The following MTHFD1L variants were observed in gnomAD, a reference collection of about 807,000 sequenced individuals.
The protein encoded by MTHFD1L is methylenetetrahydrofolate dehydrogenase (NADP+ dependent) 1 like.
MTHFD1L carries 81 observed loss-of-function variants against 119.5 expected under a neutral mutation model. The ratio of observed to expected loss-of-function variants is 0.68; its 90% CI spans 0.57 to 0.82. The LOEUF is 0.82. Ranked by LOEUF, MTHFD1L falls within the 40% of genes least tolerant of loss-of-function variation. MTHFD1L has a pLI of 0.00. For synonymous variants in MTHFD1L, 430 were observed against 475.2 expected (o/e 0.90, Z 1.24); for missense variants, 1,125 against 1,253.4 (o/e 0.90, Z 1.55).
At chr6:151,048,350 C>G (rs1173607972) in intron 26 of MTHFD1L, among the ~76,000 whole-genome samples, 6 of 152,156 alleles carry the variant, frequency 3.9e-5, no homozygotes, top group Admixed American at 2.6e-4. Context: ...ACCAAGTCGC[C>G]TCACCCACCA....
At chr6:151,026,531 G>A (rs758660728) in intron 24 of MTHFD1L, among the ~76,000 whole-genome samples, 3 of 152,110 alleles carry the variant, frequency 2.0e-5, no homozygotes, top group East Asian at 3.9e-4. Flanking sequence ...GAGTATTTCC[G>A]TTTCTGAAAT....
intron 25 of MTHFD1L, among the ~76,000 whole-genome samples, chr6:151,036,626 C>G (rs1019228993): frequency 6.6e-6 from 1 of 152,154 alleles, no homozygotes; most frequent in African/African-American, 2.4e-5. Context: ...TGCTGGGTCC[C>G]GGATATTAAT....
At chr6:151,045,960 C>A (rs1171506205) in intron 26 of MTHFD1L, among the ~76,000 whole-genome samples, 1 of 152,148 alleles carries the variant, frequency 6.6e-6, no homozygotes, top group Non-Finnish European at 1.5e-5. Context: ...GGAAAGTAAC[C>A]AGCGTCGTTC....
chr6:151,043,897 G>A (rs1787535406), intron 26 of MTHFD1L, among the ~76,000 whole-genome samples: 1 of 152,140 alleles, frequency 6.6e-6, no homozygotes, highest in Non-Finnish European at 1.5e-5. Context: ...TTTAAGAAAA[G>A]GGTCAAGCTT....
At chr6:150,989,087 G>T (rs1243517874) in intron 20 of MTHFD1L, among the ~76,000 whole-genome samples, 1 of 152,210 alleles carries the variant, frequency 6.6e-6, no homozygotes, top group Non-Finnish European at 1.5e-5. Flanking sequence ...CCATAGCTGT[G>T]AATGTTGTCT....
chr6:151,058,919 A>G (rs963469610), intron 26 of MTHFD1L, among the ~76,000 whole-genome samples: 1 of 151,718 alleles, frequency 6.6e-6, no homozygotes, highest in Non-Finnish European at 1.5e-5. Context: ...TCAGGTGATC[A>G]CCCCGTGTCA....
At chr6:151,059,986 C>G (rs944820153) in intron 26 of MTHFD1L, among the ~76,000 whole-genome samples, 2 of 152,164 alleles carry the variant, frequency 1.3e-5, no homozygotes, top group Non-Finnish European at 2.9e-5. Flanking sequence ...AAGGGAAGGG[C>G]AGTGCAGGCC....
chr6:151,092,802 G>A (rs1353025628), intron 27 of MTHFD1L, among the ~76,000 whole-genome samples: 1 of 152,100 alleles, frequency 6.6e-6, no homozygotes, highest in Non-Finnish European at 1.5e-5. Context: ...ACAACCCTTA[G>A]TGTCCTGCGC....
chr6:150,911,712 G>T (rs557208413), intron 8 of MTHFD1L, among the ~76,000 whole-genome samples: 1 of 152,208 alleles, frequency 6.6e-6, no homozygotes, highest in African/African-American at 2.4e-5. Flanking sequence ...GGAAGAAAAA[G>T]AGGTTTAATT....
chr6:151,052,287 T>G (rs1029773481), intron 26 of MTHFD1L, among the ~76,000 whole-genome samples: 1 of 152,154 alleles, frequency 6.6e-6, no homozygotes, highest in Non-Finnish European at 1.5e-5. Flanking sequence ...TTGGGAGTGA[T>G]ATACAGTCTC....
intron 20 of MTHFD1L, among the ~76,000 whole-genome samples, chr6:150,998,766 C>G (rs905386707): frequency 7.0e-6 from 1 of 143,686 alleles, no homozygotes; most frequent in African/African-American, 2.6e-5. Context: ...CACTTGAGCT[C>G]AGGAGTTCGA....
intron 10 of MTHFD1L, among the ~76,000 whole-genome samples, 185 bp from the exon 11 acceptor site, chr6:150,925,937 A>G (rs2128908523): frequency 6.6e-6 from 1 of 152,278 alleles, no homozygotes; most frequent in East Asian, 1.9e-4. Context: ...GCATTTCTAA[A>G]ATGATACACC....
Position 151,043,028 on chromosome 6 carries a change from G to A in MTHFD1L, c.2847+5911G>A, listed in dbSNP as rs147422770. On this transcript the variant is annotated intron_variant, in intron 26 of 27. Coordinates refer to ENST00000367321, the MANE Select transcript of MTHFD1L (RefSeq NM_015440.5). ...GTCCTGGCTGTGTTGCTGTGTTTTC[G>A]CACCTCAAAAGTTGGGACAGCAAAG... Among the ~76,000 whole-genome samples, 1,291 of 152,220 alleles carry A rather than the reference G, an allele frequency of 8.5e-3. 13 individuals are homozygous for A. Among genetic ancestry groups the A allele is most frequent in the African/African-American group, 0.029 (1,190 of 41,536 alleles).
chr6:150,898,155 CT>C (rs1187885069), intron 7 of MTHFD1L, among the ~76,000 whole-genome samples: 2 of 152,160 alleles, frequency 1.3e-5, no homozygotes, highest in Non-Finnish European at 2.9e-5. Context: ...GTATTAGAAT[CT>C]TTTAATGGGA....
chr6:150,994,077 A>AAAGAAAGAAAGAAAGAAGAAAG (rs1562508689), intron 20 of MTHFD1L, among the ~76,000 whole-genome samples: 1 of 105,300 alleles, frequency 9.5e-6, no homozygotes, highest in African/African-American at 3.7e-5. Context: ...AAAAAAAAAA[A>AAAGAAAGAAAGAAAGAAGAAAG]AAAGAAAGAA....
intron 26 of MTHFD1L, among the ~76,000 whole-genome samples, chr6:151,087,868 C>T (rs1793974139): frequency 6.6e-6 from 1 of 152,170 alleles, no homozygotes; most frequent in African/African-American, 2.4e-5. Context: ...GGGCAAAAGC[C>T]CAGGTATTTC....
intron 20 of MTHFD1L, chr6:150,985,091 A>G (rs1778087569): frequency 6.6e-6 from 1 of 152,230 alleles, no homozygotes; most frequent in African/African-American, 2.4e-5. Flanking sequence ...GGACTGTGGC[A>G]CAAATAGAAG....
intron 7 of MTHFD1L, among the ~76,000 whole-genome samples, chr6:150,895,899 T>C (rs1784133034): frequency 6.6e-6 from 1 of 152,188 alleles, no homozygotes; most frequent in Non-Finnish European, 1.5e-5. Flanking sequence ...TGTGCTATGG[T>C]GACAGTAATG....
chr6:150,866,551 G>C (rs1433470056), intron 1 of MTHFD1L: 1 of 1,252,900 alleles, frequency 8.0e-7, no homozygotes, highest in Non-Finnish European at 1.0e-6. Context: ...GAAGCTCCCT[G>C]GTGTTGTGCG....
Sources: gnomAD v4.1 joint callset for allele counts (sites outside exome capture counted in the v4.1 genomes callset) on GRCh38, gnomAD v4.1.1 for gene constraint, MANE v1.5 for transcripts, NCBI Gene and HGNC (gene_info 2026-07-23, HGNC 2026-07-21) for gene names.